The following MAPK10 variants were observed in gnomAD, a reference collection of about 807,000 sequenced individuals.
MAPK10 encodes JNK3 alpha protein kinase.
MAPK10 carries 25 observed loss-of-function variants against 59.3 expected under a neutral mutation model. The ratio of observed to expected loss-of-function variants is 0.42; its 90% confidence interval spans 0.31 to 0.59. The LOEUF (loss-of-function observed/expected upper bound fraction) is 0.59. Among genes scored for constraint, MAPK10 ranks in the 20% least tolerant of loss-of-function variants. The pLI is 0.15. For missense variants in MAPK10, 351 were observed against 568.9 expected, an observed-to-expected ratio of 0.62 and a Z score of 3.90; for synonymous variants, 190 against 200.5, an observed-to-expected ratio of 0.95 and a Z score of 0.44.
At chr4:86,183,220 T>C (rs563332918) in intron 3 of MAPK10, among the ~76,000 whole-genome samples, 16 of 152,180 alleles carry the variant, frequency 1.1e-4, no homozygotes, top group African/African-American at 2.6e-4. Context: ...ACATGTGCCA[T>C]GTTGGTGTGC....
At chr4:86,491,116 G>C (rs1020285430) in intron 1 of MAPK10, among the ~76,000 whole-genome samples, 5 of 152,208 alleles carry the variant, frequency 3.3e-5, no homozygotes, top group African/African-American at 4.8e-5. Context: ...CATGAGTTGA[G>C]CTGTGTGGAT....
intron 13 of MAPK10, among the ~76,000 whole-genome samples, chr4:86,021,968 C>A (rs537993398): frequency 6.6e-6 from 1 of 152,206 alleles, no homozygotes; most frequent in African/African-American, 2.4e-5. Context: ...GCACGCGGCC[C>A]GGGTTCCCGC....
At chr4:86,366,118 T>C (rs183109614) in intron 1 of MAPK10, among the ~76,000 whole-genome samples, 192 of 152,174 alleles carry the variant, frequency 1.3e-3, no homozygotes, top group African/African-American at 4.5e-3. Context: ...TCTCGAAACA[T>C]GCTGAGTGAG....
upstream of MAPK10, among the ~76,000 whole-genome samples, chr4:86,456,736 G>A (rs1360025094): frequency 6.6e-6 from 1 of 152,132 alleles, no homozygotes; most frequent in African/African-American, 2.4e-5. Context: ...ATTCAAAGAA[G>A]AATTGATACC....
chr4:86,102,724 T>G (rs905297657), intron 6 of MAPK10: 1 of 153,642 alleles, frequency 6.5e-6, no homozygotes, highest in African/African-American at 2.4e-5. Context: ...TTTCACCATG[T>G]TGGCCAGCAT....
At chr4:86,172,094 G>C (rs2074361431) in intron 3 of MAPK10, among the ~76,000 whole-genome samples, 1 of 135,246 alleles carries the variant, frequency 7.4e-6, no homozygotes, top group Admixed American at 6.9e-5. Flanking sequence ...GAGAGGATGT[G>C]CAGAAATAGG....
chr4:86,363,792 T>C (rs968628691), upstream of MAPK10, among the ~76,000 whole-genome samples: 36 of 151,238 alleles, frequency 2.4e-4, no homozygotes, highest in African/African-American at 7.8e-4. Context: ...AATAAAACTC[T>C]TTTTTTTTGA....
intron 1 of MAPK10, among the ~76,000 whole-genome samples, chr4:86,514,719 G>A (rs867212508): frequency 6.3e-4 from 96 of 152,344 alleles, no homozygotes; most frequent in African/African-American, 2.0e-3. Context: ...TGTGGTGCTA[G>A]TCAAAGAAAA....
chr4:86,225,630 C>T (rs2090470306), intron 2 of MAPK10, among the ~76,000 whole-genome samples: 1 of 152,140 alleles, frequency 6.6e-6, no homozygotes, highest in South Asian at 2.1e-4. Context: ...GTCTTTGGGA[C>T]CCGCCCCCCA....
At chr4:86,475,509 C>T (rs1475540625) in intron 1 of MAPK10, among the ~76,000 whole-genome samples, 1 of 152,144 alleles carries the variant, frequency 6.6e-6, no homozygotes, top group Non-Finnish European at 1.5e-5. Context: ...CTCGTAGAGA[C>T]AGGAGACACG....
chr4:86,378,390 G>A (rs1313890211), intron 1 of MAPK10, among the ~76,000 whole-genome samples: 6 of 152,140 alleles, frequency 3.9e-5, no homozygotes, highest in Middle Eastern at 3.2e-3. Context: ...GGAACTCACT[G>A]AACTCTGGAG....
chr4:86,196,103 C>T (rs12499209), intron 2 of MAPK10, among the ~76,000 whole-genome samples: 12,948 of 152,184 alleles, frequency 0.085, 1,224 homozygotes, highest in African/African-American at 0.23. Context: ...ATTGCTGGGT[C>T]AAATGGTATT....
Position 86,013,537 on chromosome 4 carries a change from G to C in MAPK10, c.*3691C>G, listed in dbSNP as rs768858547. The C allele has an allele frequency of 6.6e-6, 1 of 152,152 alleles. No homozygotes were observed. The highest frequency in any genetic ancestry group is 1.5e-5 in the Non-Finnish European group (1 of 68,030). 9.4% of individuals were successfully genotyped at this position (152,152 alleles called of 1,614,324 possible). On this transcript the variant is annotated 3_prime_UTR_variant, in exon 14 of 14. Coordinates refer to ENST00000641462, the MANE Select transcript of MAPK10 (RefSeq NM_138982.4). The stretch of plus-strand genomic sequence containing the variant: ...ATGTTAAGAGATTCAAATCGAAATA[G>C]ATTTTGTATAATTTAGGTTTTGCAA...
At chr4:86,412,834 G>T (rs756093987) in intron 1 of MAPK10, among the ~76,000 whole-genome samples, 1 of 152,070 alleles carries the variant, frequency 6.6e-6, no homozygotes, top group South Asian at 2.1e-4. Flanking sequence ...GCTTCCTTGC[G>T]ATGGGTTAGA....
chr4:86,329,101 C>G (rs1486394542), intron 2 of MAPK10, among the ~76,000 whole-genome samples: 1 of 152,170 alleles, frequency 6.6e-6, no homozygotes, highest in African/African-American at 2.4e-5. Flanking sequence ...AGCAAGAAGG[C>G]CCTCACCAGA....
chr4:86,127,517 T>G (rs1012177845), intron 4 of MAPK10: 2 of 151,976 alleles, frequency 1.3e-5, no homozygotes, highest in Non-Finnish European at 2.9e-5. Context: ...ATGTATATAA[T>G]TAGGATATGT....
intron 4 of MAPK10, among the ~76,000 whole-genome samples, chr4:86,155,321 T>A (rs1435228517): frequency 6.6e-6 from 1 of 151,894 alleles, no homozygotes. Context: ...CCAGAAATGA[T>A]TTTTTCAAAT....
At chr4:86,566,840 C>G (rs192089842) in intron 1 of MAPK10, among the ~76,000 whole-genome samples, 348 of 152,202 alleles carry the variant, frequency 2.3e-3, no homozygotes, top group Middle Eastern at 6.8e-3. Flanking sequence ...GAGGTCAAGG[C>G]TGGAGAATCA....
At chr4:86,109,938 T>C (rs2057200526) in intron 4 of MAPK10, among the ~76,000 whole-genome samples, 1 of 152,234 alleles carries the variant, frequency 6.6e-6, no homozygotes, top group Admixed American at 6.5e-5. Flanking sequence ...TGACATAAGA[T>C]GGTATCTCAT....
Sources: allele counts gnomAD v4.1 joint callset (sites outside exome capture counted in the v4.1 genomes callset), GRCh38; gene constraint gnomAD v4.1.1; transcripts MANE v1.5; gene names NCBI Gene and HGNC (gene_info 2026-07-23, HGNC 2026-07-21).